Variants in TNKS2 observed in about 807,000 individuals in gnomAD.
TNKS2 encodes the protein poly [ADP-ribose] polymerase tankyrase-2.
TNKS2 carries 72 observed loss-of-function variants against 137.6 expected under a neutral mutation model. The observed-to-expected ratio is 0.52, with a 90% CI of 0.43 to 0.64. TNKS2 has a LOEUF of 0.64. TNKS2 is among the 30% of genes least tolerant of loss of function. The probability of loss-of-function intolerance (pLI) is 0.00; values close to 1 mark genes in which losing one functional copy is unlikely to be tolerated. For synonymous variants in TNKS2, 516 were observed against 512.1 expected (o/e 1.01, Z -0.10); for missense variants, 1,049 against 1,410.2 (o/e 0.74, Z 4.10).
In TNKS2 at chr10:91,798,642, C is replaced by T; in HGVS notation, c.-49C>T. 2 of 1,215,034 alleles carry T rather than the reference C, an allele frequency of 1.6e-6. No homozygotes were observed. Among genetic ancestry groups the T allele is most frequent in the Non-Finnish European group, 2.0e-6 (2 of 976,776 alleles). 75.3% of individuals were successfully genotyped at this position (1,215,034 alleles called of 1,614,324 possible). A position where few individuals can be genotyped will look rare whatever the true frequency, so the allele number is the denominator to read the frequency against. On this transcript the variant is annotated 5_prime_UTR_variant, in exon 1 of 27. Transcript: ENST00000371627. ...CCCTCCTGCTCGCGGGGCCGGGGCT[C>T]CTGCTCCGGTTGCTGGCGCTGTTGC...
intron 12 of TNKS2, among the ~76,000 whole-genome samples, chr10:91,835,592 C>CTTTTTTTTTTTTTTT (rs35247985): frequency 4.6e-5 from 5 of 109,420 alleles, no homozygotes; most frequent in African/African-American, 7.0e-5. Context: ...CCCGGCCTTT[C>CTTTTTTTTTTTTTTT]TTTTTTTTTT....
In TNKS2 at chr10:91,860,515, A is replaced by G. The variant is rs777664768; in HGVS notation, c.3281+867A>G. Among the ~76,000 whole-genome samples, 8 of 152,260 alleles carry G rather than the reference A, an allele frequency of 5.3e-5. No homozygotes were observed. In the South Asian group the frequency reaches 1.2e-3, roughly 24 times the overall value. On this transcript the variant is annotated intron_variant, in intron 25 of 26. Transcript: ENST00000371627. The stretch of plus-strand genomic sequence containing the variant: ...ACTGTATTTCTGACCACTGATCTAG[A>G]AAAAAACCCCTAGAGCAGTACTTTG...
intron 12 of TNKS2, among the ~76,000 whole-genome samples, chr10:91,834,605 G>A (rs1841939549): frequency 6.6e-6 from 1 of 152,202 alleles, no homozygotes; most frequent in Non-Finnish European, 1.5e-5. Flanking sequence ...AAATGTAATA[G>A]ATTAAGCTTT....
At chr10:91,812,869 T>C in intron 1 of TNKS2, 114 bp from the exon 2 acceptor site, 1 of 1,464,240 alleles carries the variant, frequency 6.8e-7, no homozygotes, top group South Asian at 1.4e-5. Context: ...AGTTCTTGAA[T>C]TGTTGAGTCT....
rs1845226557 is a variant in TNKS2 at position 91,830,958 on chromosome 10, G to A, written c.1140G>A (p.Lys380=). ...CAAASPYPKR[K]QICELLLRKG... Reference sequence around the variant, plus strand: ...CTGCATCTCCATATCCCAAAAGAAAGCAAATATGTGAACTGTTGCTAAGAA... The same window carrying A: ...CTGCATCTCCATATCCCAAAAGAAAACAAATATGTGAACTGTTGCTAAGAA... Residue 380 remains lysine, a synonymous_variant, in exon 10 of 27, where the codon AAG becomes AAA. Coordinates refer to ENST00000371627, the MANE Select transcript of TNKS2 (RefSeq NM_025235.4). The A allele has an allele frequency of 3.1e-6, 5 of 1,611,630 alleles. No homozygotes were observed. The highest frequency in any genetic ancestry group is 2.2e-5 in the East Asian group (1 of 44,764).
rs1439839428 is a variant in TNKS2 at position 91,831,094 on chromosome 10, C to G, written c.1197-9C>G. The G allele has an allele frequency of 6.2e-7, 1 of 1,613,610 alleles. No individual in the cohort carries two copies. The highest frequency in any genetic ancestry group is 8.5e-7 in the Non-Finnish European group (1 of 1,179,790). ...ATATTCACTGTCTGGCTGATTTTTT[C>G]TCTCTAAGATTCTTGACTCCTCTGC... On this transcript the variant is annotated splice_polypyrimidine_tract_variant and intron_variant, in intron 10 of 26. Coordinates refer to ENST00000371627, the MANE Select transcript of TNKS2 (RefSeq NM_025235.4).
intron 24 of TNKS2, among the ~76,000 whole-genome samples, chr10:91,859,072 G>A (rs535392153): frequency 2.6e-5 from 4 of 151,932 alleles, no homozygotes; most frequent in Non-Finnish European, 5.9e-5. Context: ...CTTCAAAAAA[G>A]CACACAGGCA....
chr10:91,816,893 A>G (rs1844721151), intron 2 of TNKS2, among the ~76,000 whole-genome samples: 2 of 152,212 alleles, frequency 1.3e-5, no homozygotes, highest in Non-Finnish European at 2.9e-5. Context: ...ATAAATAGCA[A>G]AGGAAAATCT....
intron 23 of TNKS2, among the ~76,000 whole-genome samples, chr10:91,856,963 C>T (rs764940160): frequency 6.6e-6 from 1 of 151,608 alleles, no homozygotes; most frequent in African/African-American, 2.4e-5. Context: ...ATCAGAAGGT[C>T]GAGGGAGTAA....
chr10:91,835,813 GC>G, intron 12 of TNKS2, among the ~76,000 whole-genome samples: 1 of 148,564 alleles, frequency 6.7e-6, no homozygotes, highest in African/African-American at 2.5e-5. Context: ...TTACCATGTT[GC>G]CGAGTCTGGT....
chr10:91,846,320 T>C (rs996069656), intron 18 of TNKS2, among the ~76,000 whole-genome samples: 1 of 152,214 alleles, frequency 6.6e-6, no homozygotes, highest in African/African-American at 2.4e-5. Flanking sequence ...CTGGGAACAT[T>C]GCCCCCCAAG....
intron 21 of TNKS2, among the ~76,000 whole-genome samples, chr10:91,851,771 G>A (rs761504789): frequency 2.0e-5 from 3 of 152,090 alleles, no homozygotes; most frequent in Non-Finnish European, 2.9e-5. Flanking sequence ...AATTTTAAGC[G>A]CTTGGGATGA....
At chr10:91,814,207 T>C (rs145576925) in intron 2 of TNKS2, among the ~76,000 whole-genome samples, 1 of 152,288 alleles carries the variant, frequency 6.6e-6, no homozygotes, top group African/African-American at 2.4e-5. Context: ...CTTGAGCCTA[T>C]GTAGGCCTAG....
chr10:91,860,351 A>G (rs1222296942), intron 25 of TNKS2, among the ~76,000 whole-genome samples: 1 of 152,196 alleles, frequency 6.6e-6, no homozygotes, highest in Non-Finnish European at 1.5e-5. Flanking sequence ...GTAGTTTATC[A>G]AGCATTAGCA....
At chr10:91,820,175 G>T in intron 6 of TNKS2, 142 bp downstream of exon 6, 1 of 476,608 alleles carries the variant, frequency 2.1e-6, no homozygotes, top group South Asian at 6.0e-5. Context: ...TGCTCTGAGG[G>T]CGCAGGAAAT....
intron 1 of TNKS2, among the ~76,000 whole-genome samples, chr10:91,801,169 A>T (rs1844154229): frequency 6.6e-6 from 1 of 152,262 alleles, no homozygotes; most frequent in Non-Finnish European, 1.5e-5. Context: ...AGACCACAGA[A>T]AATGAAAATT....
Position 91,834,029 on chromosome 10 carries a change from T to TA in TNKS2, c.1447+6dup. On this transcript the variant is annotated splice_donor_region_variant and intron_variant, in intron 12 of 26. Transcript: ENST00000371627. Reference sequence around the variant, plus strand: ...ATGTACAGCAACTCCTCCAAGGTATTACATGCTTCAATGAAATTGATTTTT... The same window carrying TA: ...ATGTACAGCAACTCCTCCAAGGTATTAACATGCTTCAATGAAATTGATTTTT... 1.3e-6 allele frequency: 2 copies of TA among 1,548,712 alleles called. No homozygotes were observed. The highest frequency in any genetic ancestry group is 1.2e-5 in the South Asian group (1 of 80,702).
chr10:91,833,059 A>C (rs1337459970), intron 11 of TNKS2, among the ~76,000 whole-genome samples: 1 of 152,156 alleles, frequency 6.6e-6, no homozygotes, highest in Non-Finnish European at 1.5e-5. Context: ...TTTTCTTTAG[A>C]TGTAAAATGT....
intron 24 of TNKS2, 63 bp from the exon 25 acceptor site, chr10:91,859,399 G>A: frequency 7.5e-7 from 1 of 1,337,164 alleles, no homozygotes; most frequent in Non-Finnish European, 9.9e-7. Flanking sequence ...TAAGAAACTA[G>A]TTTTTTACTT....
Sources: allele counts gnomAD v4.1 joint callset (sites outside exome capture counted in the v4.1 genomes callset), GRCh38; gene constraint gnomAD v4.1.1; transcripts MANE v1.5; gene names NCBI Gene and HGNC (gene_info 2026-07-23, HGNC 2026-07-21).